The following ANKS1A variants were observed in gnomAD, a reference collection of about 807,000 sequenced individuals.
ANKS1A encodes the protein ankyrin repeat and SAM domain-containing protein 1A.
A neutral mutation model predicts 120.3 loss-of-function variants in ANKS1A; 55 were observed. The ratio of observed to expected loss-of-function variants is 0.46; its 90% CI spans 0.37 to 0.57. ANKS1A has a LOEUF of 0.57. ANKS1A is among the 20% of genes least tolerant of loss of function. The probability of loss-of-function intolerance (pLI) is 0.00; values close to 1 mark genes in which losing one functional copy is unlikely to be tolerated. For missense variants in ANKS1A, 1,123 were observed against 1,480.3 expected (o/e 0.76, Z 3.96); for synonymous variants, 590 against 604.7 (o/e 0.98, Z 0.36).
At chr6:34,924,448 T>C (rs1768605334) in intron 1 of ANKS1A, among the ~76,000 whole-genome samples, 1 of 152,178 alleles carries the variant, frequency 6.6e-6, no homozygotes, top group Non-Finnish European at 1.5e-5. Context: ...TTTCTCAGCC[T>C]TTAACCCTAT....
At chr6:35,059,302 C>T (rs550376079) in intron 12 of ANKS1A, among the ~76,000 whole-genome samples, 48 of 152,350 alleles carry the variant, frequency 3.2e-4, no homozygotes, top group Non-Finnish European at 6.0e-4. Flanking sequence ...GCCCACTGGC[C>T]GCGCAGCCCG....
rs749051482 is a variant in ANKS1A, at chr6:35,091,344, T to G, written c.*2735T>G. 1.0e-6 allele frequency: 1 copy of G among 985,558 alleles called. No homozygotes were observed. The highest frequency in any genetic ancestry group is 1.2e-6 in the Non-Finnish European group (1 of 829,958). 61.1% of individuals were successfully genotyped at this position (985,558 alleles called of 1,614,324 possible). On this transcript the variant is annotated 3_prime_UTR_variant, in exon 24 of 24. Coordinates refer to ENST00000360359, the MANE Select transcript of ANKS1A (RefSeq NM_015245.3). ...TGGGCTTCCAGCTTTGGTTTTGTTA[T>G]TTTCATAACTGTACACAACTTAGAA...
In ANKS1A at chr6:35,079,476, G is replaced by C. The variant is rs768065847; in HGVS notation, c.2284-40G>C. 11 of 1,610,362 alleles carry C rather than the reference G, an allele frequency of 6.8e-6. No individual in the cohort carries two copies. In the African/African-American group the frequency reaches 9.3e-5, roughly 14 times the overall value. ...TGGTCCTCGGGTCCCTCTCCTGTGA[G>C]TGCTGAGATGTCAGTTTCACCTCCC... On this transcript the variant is annotated intron_variant, in intron 14 of 23. Transcript: ENST00000360359.
intron 1 of ANKS1A, among the ~76,000 whole-genome samples, chr6:34,915,601 C>T (rs1273807916): frequency 6.6e-6 from 1 of 152,152 alleles, no homozygotes; most frequent in Non-Finnish European, 1.5e-5. Context: ...CCTGCATCAG[C>T]CTCCCAAAGG....
In ANKS1A at chr6:34,963,390, C is replaced by G. The variant is rs907434167; in HGVS notation, c.198-3849C>G. Among the ~76,000 whole-genome samples, 11 of 152,114 alleles carry G rather than the reference C, an allele frequency of 7.2e-5. 1 individual carries two copies. The highest frequency in any genetic ancestry group is 2.9e-5 in the Non-Finnish European group (2 of 67,992). On this transcript the variant is annotated intron_variant, in intron 1 of 23. Transcript: ENST00000360359. ...TCATACAGTATTTGTCTTTTTGTTC[C>G]TGGCTTATTTTATTACCATAATGTC...
chr6:35,086,413 G>T lies in ANKS1A; in HGVS notation c.3303+477G>T. ...TCTTGTGTGTCAGTCTCCCCGAAGT[G>T]ACCGTGAGCGCTCTTAGCCTCTGGC... On this transcript the variant is annotated intron_variant, in intron 22 of 23. Coordinates refer to ENST00000360359, the MANE Select transcript of ANKS1A (RefSeq NM_015245.3). The surrounding 1 kb of genome is among the most constrained non-coding windows in gnomAD (Gnocchi z 5.1). 8.0e-7 allele frequency: 1 copy of T among 1,257,312 alleles called. No individual in the cohort carries two copies. The highest frequency in any genetic ancestry group is 1.2e-5 in the South Asian group (1 of 80,280). The allele number at this position is 1,257,312 out of a possible 1,614,324, so 77.9% of individuals were successfully genotyped here. A position where few individuals can be genotyped will look rare whatever the true frequency, so the allele number is the denominator to read the frequency against.
chr6:34,998,261 GAATT>G (rs975514994), intron 10 of ANKS1A, among the ~76,000 whole-genome samples: 5 of 152,134 alleles, frequency 3.3e-5, no homozygotes, highest in African/African-American at 9.7e-5. Flanking sequence ...CAGCTTTTAT[GAATT>G]AATTAATCAG....
intron 10 of ANKS1A, among the ~76,000 whole-genome samples, chr6:35,013,544 C>G (rs778981027): frequency 2.8e-4 from 43 of 152,220 alleles, no homozygotes; most frequent in Non-Finnish European, 5.6e-4. Context: ...ATCCTCCCAC[C>G]ACAGGCTCCC....
At chr6:34,910,623 A>G (rs13215944) in intron 1 of ANKS1A, among the ~76,000 whole-genome samples, 11,053 of 151,992 alleles carry the variant, frequency 0.073, 606 homozygotes, top group East Asian at 0.23. Context: ...CACTTTGGGA[A>G]GCTGAGGTGG....
chr6:35,088,578 C>G (rs1335303548), intron 23 of ANKS1A, 28 bp from the exon 24 acceptor site: 3 of 1,614,008 alleles, frequency 1.9e-6, no homozygotes, highest in East Asian at 2.2e-5. Context: ...TTAACCCTTT[C>G]CTCCCCCCAT....
At chr6:35,083,555 G>C in intron 20 of ANKS1A, 52 bp downstream of exon 20, 1 of 1,573,730 alleles carries the variant, frequency 6.4e-7, no homozygotes, top group Non-Finnish European at 8.7e-7. Context: ...ATCCCCGTCA[G>C]ACCCACAGGG....
chr6:34,908,080 A>G lies in ANKS1A; in HGVS notation c.197+18481A>G, dbSNP rs1208564379. On this transcript the variant is annotated intron_variant, in intron 1 of 23. Coordinates refer to ENST00000360359, the MANE Select transcript of ANKS1A (RefSeq NM_015245.3). Reference sequence around the variant, plus strand: ...TGTAGTAATGACGGCTGCTAATATTAATATTTATACAGAGGAAGTCCAGCC... The same window carrying G: ...TGTAGTAATGACGGCTGCTAATATTGATATTTATACAGAGGAAGTCCAGCC... 5.3e-5 allele frequency among the ~76,000 whole-genome samples: 8 copies of G among 152,244 alleles called. No individual in the cohort carries two copies. The East Asian group carries it at 1.3e-3, about 26-fold the overall frequency.
intron 1 of ANKS1A, among the ~76,000 whole-genome samples, chr6:34,949,883 C>A (rs1769985997): frequency 6.6e-6 from 1 of 152,072 alleles, no homozygotes; most frequent in Non-Finnish European, 1.5e-5. Flanking sequence ...CCTCTAGAGG[C>A]TGAAAAAATC....
At chr6:35,008,095 C>G (rs1037963315) in intron 10 of ANKS1A, among the ~76,000 whole-genome samples, 1 of 152,184 alleles carries the variant, frequency 6.6e-6, no homozygotes, top group Admixed American at 6.5e-5. Flanking sequence ...ACCAAGAAGT[C>G]CAGGCTAGAT....
chr6:34,946,022 C>T (rs1769776107), intron 1 of ANKS1A, among the ~76,000 whole-genome samples: 1 of 150,312 alleles, frequency 6.7e-6, no homozygotes, highest in African/African-American at 2.4e-5. Flanking sequence ...ACTCTGTCCC[C>T]CAGGCTGGAG....
chr6:34,922,561 A>T (rs1768491740), intron 1 of ANKS1A, among the ~76,000 whole-genome samples: 1 of 152,170 alleles, frequency 6.6e-6, no homozygotes, highest in Admixed American at 6.5e-5. Flanking sequence ...TCCTCCACAC[A>T]ACATAAAAGC....
In ANKS1A at chr6:34,982,652, T is replaced by A. The variant is rs1311889584; in HGVS notation, c.733-100T>A. On this transcript the variant is annotated intron_variant, in intron 4 of 23. Transcript: ENST00000360359. The surrounding 1 kb of genome is among the most constrained non-coding windows in gnomAD (Gnocchi z 4.9). ...TGACAGAGGGCTTTGTGTAGTTTGT[T>A]TTATTTTGTGTCCCTTCTTGTCTGT... 2 of 1,226,628 alleles carry A rather than the reference T, an allele frequency of 1.6e-6. No individual in the cohort carries two copies. Among genetic ancestry groups the A allele is most frequent in the Non-Finnish European group, 2.4e-6 (2 of 835,014 alleles). The allele number at this position is 1,226,628 out of a possible 1,614,324, so 76.0% of individuals were successfully genotyped here.
rs979098161 is a variant in ANKS1A, at chr6:35,060,294, A to C, written c.2184+41A>C. 2 of 1,559,456 alleles carry C rather than the reference A, an allele frequency of 1.3e-6. No individual in the cohort carries two copies. Among genetic ancestry groups the C allele is most frequent in the African/African-American group, 1.4e-5 (1 of 74,066 alleles). ...CCTCCTCAATGGCAGGGTGCTGCTCAGTGGAAACAGGCCTCCCTGGCCTCC... is the reference window on the plus strand; with the variant it reads ...CCTCCTCAATGGCAGGGTGCTGCTCCGTGGAAACAGGCCTCCCTGGCCTCC... On this transcript the variant is annotated intron_variant, in intron 13 of 23. Transcript: ENST00000360359. This position sits in a 1 kb window ranked among gnomAD's most constrained non-coding sequence, Gnocchi z 4.5.
intron 8 of ANKS1A, among the ~76,000 whole-genome samples, chr6:34,985,708 G>T (rs2127530460): frequency 6.6e-6 from 1 of 152,298 alleles, no homozygotes; most frequent in East Asian, 1.9e-4. Context: ...CTATCCACTT[G>T]CCCTGAAAGG....
Sources: gnomAD v4.1 joint callset for allele counts (sites outside exome capture counted in the v4.1 genomes callset) on GRCh38, gnomAD v4.1.1 for gene constraint, Gnocchi (gnomAD v3.1) non-coding constraint, MANE v1.5 for transcripts, NCBI Gene and HGNC (gene_info 2026-07-23, HGNC 2026-07-21) for gene names.